The following SMIM23 variants were observed in gnomAD, a reference collection of about 807,000 sequenced individuals.
The protein encoded by SMIM23 is small integral membrane protein 23.
SMIM23 carries 10 observed loss-of-function variants against 12.8 expected under a neutral mutation model. The observed-to-expected ratio is 0.78, with a 90% CI of 0.48 to 1.32. SMIM23 has a LOEUF of 1.32. Among genes scored for constraint, SMIM23 ranks in the 40% most tolerant of loss-of-function variants. The pLI is 0.00. For missense variants in SMIM23, 184 were observed against 198.2 expected (o/e 0.93, Z 0.43); for synonymous variants, 78 against 80.1 (o/e 0.97, Z 0.14).
upstream of SMIM23, among the ~76,000 whole-genome samples, chr5:171,778,247 C>T: frequency 6.6e-6 from 1 of 151,832 alleles, no homozygotes; most frequent in Non-Finnish European, 1.5e-5. Context: ...ATCCCAGCTA[C>T]TTGGGAGGCT....
At chr5:171,781,019 A>C (rs1170041835), upstream of SMIM23, among the ~76,000 whole-genome samples, 2 of 152,246 alleles carry the variant, frequency 1.3e-5, no homozygotes, top group African/African-American at 2.4e-5. Flanking sequence ...CTAGAGTTGT[A>C]ATATTTATAT....
chr5:171,774,464 C>T, the SMIM23 span: 6 of 456,210 alleles, frequency 1.3e-5, no homozygotes, highest in Non-Finnish European at 2.6e-5. Context: ...GGACCTCTCC[C>T]CCAATCCCCA....
At chr5:171,777,382 G>GT in the SMIM23 span, among the ~76,000 whole-genome samples, 274 of 151,362 alleles carry the variant, frequency 1.8e-3, no homozygotes, top group South Asian at 3.4e-3. Flanking sequence ...AATTAATCCT[G>GT]TTTTTTTTTC....
chr5:171,780,371 G>A (rs772246550), upstream of SMIM23, among the ~76,000 whole-genome samples: 1 of 151,924 alleles, frequency 6.6e-6, no homozygotes, highest in African/African-American at 2.4e-5. Flanking sequence ...CCAGTCCCCC[G>A]CCCACACCAG....
the SMIM23 span, among the ~76,000 whole-genome samples, chr5:171,775,633 G>GC: frequency 6.6e-6 from 1 of 152,074 alleles, no homozygotes. Flanking sequence ...TGTGGGTAAG[G>GC]CCCCCAATGT....
the SMIM23 span, among the ~76,000 whole-genome samples, chr5:171,776,617 C>T: frequency 2.0e-5 from 3 of 152,192 alleles, no homozygotes; most frequent in Non-Finnish European, 4.4e-5. Context: ...AGGAGCACAT[C>T]ATCATCATCT....
the SMIM23 span, chr5:171,773,620 G>A: frequency 2.8e-6 from 1 of 356,096 alleles, no homozygotes; most frequent in South Asian, 2.1e-5. Context: ...GCATTGTGAT[G>A]AGACAACCAA....
chr5:171,790,574 G>A, intron 3 of SMIM23, 25 bp downstream of exon 3: 5 of 1,534,184 alleles, frequency 3.3e-6, no homozygotes, highest in Non-Finnish European at 4.4e-6. Flanking sequence ...AAGGTACTGA[G>A]GTGAGGCAAT....
the SMIM23 span, chr5:171,773,526 G>A: frequency 1.2e-5 from 4 of 325,456 alleles, no homozygotes; most frequent in South Asian, 9.8e-5. Context: ...CTGAAGATGT[G>A]GAAGGCTTTT....
upstream of SMIM23, among the ~76,000 whole-genome samples, chr5:171,777,445 G>T (rs1755660985): frequency 6.6e-6 from 1 of 152,226 alleles, no homozygotes. Context: ...GGGGCATGCA[G>T]AAGGGTATTT....
chr5:171,787,474 T>C (rs1755839921), intron 1 of SMIM23, among the ~76,000 whole-genome samples: 2 of 152,274 alleles, frequency 1.3e-5, no homozygotes, highest in Admixed American at 6.5e-5. Context: ...CAGCACAGTA[T>C]GGAAACCAGC....
upstream of SMIM23, among the ~76,000 whole-genome samples, chr5:171,781,944 T>C (rs67129974): frequency 0.2 from 30,408 of 152,208 alleles, 3,656 homozygotes; most frequent in East Asian, 0.4. Flanking sequence ...AAGATGTAAA[T>C]GGCCCAATCA....
rs998892545 is a variant in SMIM23 at position 171,785,975 on chromosome 5, A to G, written c.104A>G (p.Gln35Arg). 30 of 1,535,818 alleles carry G rather than the reference A, an allele frequency of 2.0e-5. No individual in the cohort carries two copies. In the African/African-American group the frequency reaches 3.4e-4, roughly 18 times the overall value. ...GGCAGCCACTGTGATGACGAGAAGC[A>G]GGTGAGGCCAGGCCAGGTACATGCT... ...RRGSHCDDEK[Q>R]TLLALLILVL... The change falls in exon 1 of 4, where the codon CAG becomes CGG. Residue 35 changes from glutamine (Q) to arginine (R), a missense_variant and splice_region_variant. Coordinates refer to ENST00000523047, the MANE Select transcript of SMIM23 (RefSeq NM_001289970.2).
At chr5:171,772,876 G>C in the SMIM23 span, among the ~76,000 whole-genome samples, 1 of 152,190 alleles carries the variant, frequency 6.6e-6, no homozygotes, top group African/African-American at 2.4e-5. Context: ...CAGAAGCCAA[G>C]TTCTGGTTTG....
upstream of SMIM23, chr5:171,782,328 C>A (rs567826314): frequency 1.1e-4 from 16 of 152,356 alleles, no homozygotes; most frequent in Admixed American, 9.1e-4. Flanking sequence ...AGAATGGCCA[C>A]TTTCTTTGTT....
chr5:171,772,749 T>C, the SMIM23 span, among the ~76,000 whole-genome samples: 1 of 151,524 alleles, frequency 6.6e-6, no homozygotes, highest in African/African-American at 2.4e-5. Flanking sequence ...CACAGCAAGG[T>C]ATGTGCCTTT....
In SMIM23 at chr5:171,790,524, A is replaced by G. The variant is rs186344899; in HGVS notation, c.200A>G (p.Tyr67Cys). Residue 67 changes from tyrosine to cysteine, a missense_variant, in exon 3 of 4, where the codon TAC becomes TGC. Coordinates refer to ENST00000523047, the MANE Select transcript of SMIM23 (RefSeq NM_001289970.2). ...TCAGAAAGGATCAGAGAATGTAACT[A>G]CTACCAGAATCTTGCAGTTCCCCAG... Reference protein sequence around the residue: ...EVSERIRECNYYQNLAVPQGL... With the variant: ...EVSERIRECNCYQNLAVPQGL... 4 of 1,536,776 alleles carry G rather than the reference A, an allele frequency of 2.6e-6. No individual in the cohort carries two copies. The highest frequency in any genetic ancestry group is 1.7e-4 in the Middle Eastern group (1 of 5,996).
Position 171,790,913 on chromosome 5 carries a change from A to G in SMIM23, c.344A>G (p.Glu115Gly). The change falls in exon 4 of 4, where the codon GAG becomes GGG. Residue 115 changes from glutamate (E) to glycine (G), a missense_variant. Physicochemically the swap from Glu to Gly is moderately conservative, Grantham distance 98. Coordinates refer to ENST00000523047, the MANE Select transcript of SMIM23 (RefSeq NM_001289970.2). ...TTAGAGGAAGAGGTGCAGCAGCTGG[A>G]GCAGCTAGCGTGGGACCTGGAACTG... ...EKLEEEVQQLEQLAWDLELWL... is the reference protein window; with the variant it reads ...EKLEEEVQQLGQLAWDLELWL... 1 of 1,536,150 alleles carries G rather than the reference A, an allele frequency of 6.5e-7. No homozygotes were observed.
upstream of SMIM23, among the ~76,000 whole-genome samples, chr5:171,780,139 T>G (rs1012062278): frequency 1.3e-5 from 2 of 152,160 alleles, no homozygotes; most frequent in African/African-American, 2.4e-5. Context: ...TTGGGGCAGA[T>G]TTCTCCCTTG....
Sources: gnomAD v4.1 joint callset for allele counts (sites outside exome capture counted in the v4.1 genomes callset) on GRCh38, gnomAD v4.1.1 for gene constraint, MANE v1.5 for transcripts, NCBI Gene and HGNC (gene_info 2026-07-23, HGNC 2026-07-21) for gene names.